The following PRKG1 variants were observed in gnomAD, a reference collection of about 807,000 sequenced individuals.
PRKG1 encodes cGMP-dependent protein kinase 1.
PRKG1 carries 35 observed loss-of-function variants against 88.1 expected under a neutral mutation model. The observed-to-expected ratio is 0.40, with a 90% confidence interval of 0.30 to 0.53. The LOEUF is 0.53. Ranked by LOEUF, PRKG1 falls within the 20% of genes least tolerant of loss-of-function variation. The pLI, the probability that PRKG1 is intolerant of heterozygous loss-of-function variation, is 0.59. For synonymous variants in PRKG1, 303 were observed against 292.5 expected, an observed-to-expected ratio of 1.04 and a Z score of -0.37; for missense variants, 540 against 839.8, an observed-to-expected ratio of 0.64 and a Z score of 4.41.
chr10:51,154,387 C>T (rs1564620239), intron 2 of PRKG1, among the ~76,000 whole-genome samples: 1 of 151,816 alleles, frequency 6.6e-6, no homozygotes, highest in Non-Finnish European at 1.5e-5. Flanking sequence ...GCATACTGCT[C>T]AAAAGGGTAG....
intron 1 of PRKG1, among the ~76,000 whole-genome samples, chr10:51,139,291 C>T (rs1033671211): frequency 6.6e-6 from 1 of 152,122 alleles, no homozygotes; most frequent in African/African-American, 2.4e-5. Flanking sequence ...GACTGAAGCA[C>T]AATATTCATT....
At chr10:51,556,412 G>A (rs1837311708) in intron 3 of PRKG1, among the ~76,000 whole-genome samples, 1 of 99,786 alleles carries the variant, frequency 1.0e-5, no homozygotes, top group Admixed American at 1.3e-4. Context: ...TTTTTGCATG[G>A]TATGATACTT....
At chr10:52,026,525 A>G (rs912161124) in intron 5 of PRKG1, among the ~76,000 whole-genome samples, 1 of 152,194 alleles carries the variant, frequency 6.6e-6, no homozygotes, top group African/African-American at 2.4e-5. Flanking sequence ...GAGACAGGAA[A>G]TACATTATTT....
intron 2 of PRKG1, among the ~76,000 whole-genome samples, chr10:51,309,787 C>A (rs1841136981): frequency 6.6e-6 from 1 of 152,146 alleles, no homozygotes; most frequent in Admixed American, 6.5e-5. Flanking sequence ...AAGAAGATAC[C>A]TGCATTCATA....
At chr10:52,028,740 C>T (rs1198755575) in intron 5 of PRKG1, among the ~76,000 whole-genome samples, 1 of 152,134 alleles carries the variant, frequency 6.6e-6, no homozygotes, top group Non-Finnish European at 1.5e-5. Context: ...TGTACAGACA[C>T]CGTTTTCTTT....
At chr10:51,403,684 T>C (rs1053638347) in intron 2 of PRKG1, among the ~76,000 whole-genome samples, 2 of 152,128 alleles carry the variant, frequency 1.3e-5, no homozygotes, top group Admixed American at 6.6e-5. Flanking sequence ...TCAAACTCTT[T>C]CCCAAGACAG....
chr10:51,304,373 T>A (rs963517124), intron 2 of PRKG1, among the ~76,000 whole-genome samples: 1 of 152,182 alleles, frequency 6.6e-6, no homozygotes, highest in African/African-American at 2.4e-5. Context: ...GAACAACTGA[T>A]GTAATAATTA....
rs908635923 is a variant in PRKG1 at position 51,100,281 on chromosome 10, T to C, written c.311+25380T>C. On this transcript the variant is annotated intron_variant, in intron 1 of 17. Transcript: ENST00000373980. Reference sequence around the variant, plus strand: ...CTTAGGAAGGTGAAAATAGGAAATGTCAACTGTAATCTTGAAATGGATGCT... The same window carrying C: ...CTTAGGAAGGTGAAAATAGGAAATGCCAACTGTAATCTTGAAATGGATGCT... 2.0e-5 allele frequency among the ~76,000 whole-genome samples: 3 copies of C among 152,210 alleles called. No individual in the cohort carries two copies. In the South Asian group the frequency reaches 6.2e-4, roughly 31 times the overall value.
intron 10 of PRKG1, among the ~76,000 whole-genome samples, chr10:52,258,993 T>G (rs1448217330): frequency 6.6e-6 from 1 of 151,962 alleles, no homozygotes; most frequent in East Asian, 1.9e-4. Flanking sequence ...AAAGGCCACA[T>G]GTTGTCACAG....
At chr10:51,239,605 C>A (rs1839097331) in intron 2 of PRKG1, among the ~76,000 whole-genome samples, 1 of 152,152 alleles carries the variant, frequency 6.6e-6, no homozygotes, top group South Asian at 2.1e-4. Context: ...GCGCACCCCC[C>A]TCAACACTAG....
chr10:51,051,365 T>C (rs117815740), intron 1 of PRKG1, among the ~76,000 whole-genome samples: 5,899 of 152,266 alleles, frequency 0.039, 157 homozygotes, highest in Non-Finnish European at 0.059. Context: ...TCCAATTTTA[T>C]TCATTTGCAT....
intron 9 of PRKG1, among the ~76,000 whole-genome samples, chr10:52,173,518 A>G (rs1489582323): frequency 6.6e-6 from 1 of 152,218 alleles, no homozygotes; most frequent in East Asian, 1.9e-4. Context: ...TTTTGATACA[A>G]TGAACATAAT....
chr10:51,327,879 C>A (rs2132522112), intron 2 of PRKG1, among the ~76,000 whole-genome samples: 1 of 152,134 alleles, frequency 6.6e-6, no homozygotes, highest in African/African-American at 2.4e-5. Flanking sequence ...ACTGTATTTA[C>A]CATGCAAAAA....
chr10:51,327,854 A>G (rs562794103), intron 2 of PRKG1, among the ~76,000 whole-genome samples: 1 of 152,236 alleles, frequency 6.6e-6, no homozygotes, highest in Non-Finnish European at 1.5e-5. Context: ...CCGAAATATC[A>G]TTATGTGGCA....
At chr10:51,889,751 T>A (rs1841669667) in intron 4 of PRKG1, among the ~76,000 whole-genome samples, 2 of 152,220 alleles carry the variant, frequency 1.3e-5, no homozygotes, top group African/African-American at 4.8e-5. Flanking sequence ...ATCGCCATTC[T>A]AACTGGTATG....
intron 8 of PRKG1, among the ~76,000 whole-genome samples, chr10:52,156,401 C>T (rs1315281371): frequency 1.3e-5 from 2 of 151,780 alleles, no homozygotes; most frequent in African/African-American, 4.8e-5. Flanking sequence ...CTAAATTCCT[C>T]AAAGTTGTAC....
chr10:51,215,660 A>G (rs2132081085), intron 2 of PRKG1, among the ~76,000 whole-genome samples: 1 of 152,240 alleles, frequency 6.6e-6, no homozygotes, highest in Admixed American at 6.5e-5. Context: ...TGTTTATAAA[A>G]CAGTCATTGA....
chr10:51,071,863 A>T (rs1408789856), upstream of PRKG1, among the ~76,000 whole-genome samples: 3 of 152,252 alleles, frequency 2.0e-5, no homozygotes, highest in Non-Finnish European at 4.4e-5. Flanking sequence ...ACTCTAAAAC[A>T]TCAATGAAAA....
intron 3 of PRKG1, among the ~76,000 whole-genome samples, chr10:51,492,385 G>T (rs930335322): frequency 5.3e-5 from 8 of 151,990 alleles, no homozygotes; most frequent in Non-Finnish European, 1.0e-4. Context: ...AAAAGCCAAG[G>T]CTATTTGCAT....
Sources: gnomAD v4.1 joint callset for allele counts (sites outside exome capture counted in the v4.1 genomes callset) on GRCh38, gnomAD v4.1.1 for gene constraint, MANE v1.5 for transcripts, NCBI Gene and HGNC (gene_info 2026-07-23, HGNC 2026-07-21) for gene names.